Variants in ZEB2 observed in about 807,000 individuals in gnomAD.
The protein encoded by ZEB2 is zinc finger E-box binding homeobox 2.
In ZEB2, 6 loss-of-function variants were observed where a neutral mutation model predicts 99.9. The ratio of observed to expected loss-of-function variants is 0.06; its 90% CI spans 0.03 to 0.12. ZEB2 has a LOEUF of 0.12. Ranked by LOEUF, ZEB2 falls within the 10% of genes least tolerant of loss-of-function variation. The probability of loss-of-function intolerance (pLI) is 1.00; values close to 1 mark genes in which losing one functional copy is unlikely to be tolerated. For missense variants in ZEB2, 969 were observed against 1,502.8 expected, an observed-to-expected ratio of 0.64 and a Z score of 5.87; for synonymous variants, 517 against 542.5, an observed-to-expected ratio of 0.95 and a Z score of 0.65.
At chr2:144,480,762 T>C (rs1015251551) in intron 2 of ZEB2, among the ~76,000 whole-genome samples, 3 of 149,508 alleles carry the variant, frequency 2.0e-5, no homozygotes, top group Non-Finnish European at 4.4e-5. Flanking sequence ...ACAAGGCTAA[T>C]AAATGTTCCC....
intron 4 of ZEB2, among the ~76,000 whole-genome samples, chr2:144,414,732 C>T (rs1054990521): frequency 6.6e-6 from 1 of 152,190 alleles, no homozygotes; most frequent in Non-Finnish European, 1.5e-5. Context: ...ACTGCTCTTT[C>T]TACTGCACCA....
At chr2:144,495,252 G>A (rs1199347198) in intron 2 of ZEB2, 1 of 152,192 alleles carries the variant, frequency 6.6e-6, no homozygotes, top group Admixed American at 6.5e-5. Flanking sequence ...AAAACCCAGA[G>A]TGAACTGGGT....
chr2:144,390,126 T>G, intron 9 of ZEB2, 98 bp from the exon 10 acceptor site: 2 of 1,230,586 alleles, frequency 1.6e-6, no homozygotes, highest in Non-Finnish European at 2.3e-6. Context: ...CATAAGCGTG[T>G]GTACTTATGC....
At chr2:144,452,057 G>A (rs766906727) in intron 2 of ZEB2, among the ~76,000 whole-genome samples, 2 of 152,068 alleles carry the variant, frequency 1.3e-5, no homozygotes, top group Admixed American at 6.6e-5. Context: ...TGACATATCT[G>A]GGGTCCACGG....
chr2:144,391,671 G>A (rs569606509), intron 9 of ZEB2, among the ~76,000 whole-genome samples: 34 of 152,298 alleles, frequency 2.2e-4, no homozygotes, highest in African/African-American at 7.9e-4. Flanking sequence ...AAGACAAGAG[G>A]TTTTGTCTCC....
chr2:144,409,834 A>G (rs938808694), intron 4 of ZEB2, among the ~76,000 whole-genome samples: 2 of 151,878 alleles, frequency 1.3e-5, no homozygotes, highest in Non-Finnish European at 2.9e-5. Flanking sequence ...GGCTGCAGAG[A>G]GCTGTGATCG....
chr2:144,443,949 C>T (rs572389804), intron 2 of ZEB2, among the ~76,000 whole-genome samples: 10 of 152,044 alleles, frequency 6.6e-5, no homozygotes, highest in Non-Finnish European at 1.5e-4. Flanking sequence ...ATTCACACAT[C>T]CCACAAATAA....
intron 7 of ZEB2, 120 bp downstream of exon 7, chr2:144,401,079 T>C (rs745368002): frequency 1.2e-4 from 109 of 884,490 alleles, no homozygotes; most frequent in Non-Finnish European, 1.8e-4. Context: ...ACAGAGTTGA[T>C]GAAATAAATA....
rs1425387832 is a variant in ZEB2, at chr2:144,385,720, T to G, written c.*3731A>C. ...TTGGAGCAAAAGCATGGTTAACAAT[T>G]TTTCAGTTCAAATACATGTAAACTT... On this transcript the variant is annotated 3_prime_UTR_variant, in exon 10 of 10. Transcript: ENST00000627532. 6.6e-6 allele frequency: 1 copy of G among 152,144 alleles called. No individual in the cohort carries two copies. Among genetic ancestry groups the G allele is most frequent in the African/African-American group, 2.4e-5 (1 of 41,422 alleles). The allele number at this position is 152,144 out of a possible 1,614,324, so 9.4% of individuals were successfully genotyped here. A position where few individuals can be genotyped will look rare whatever the true frequency, so the allele number is the denominator to read the frequency against.
Position 144,388,338 on chromosome 2 carries a change from T to C in ZEB2, c.*1113A>G, listed in dbSNP as rs1342180250. ...TTCCAAAACACAATAAATGCTCTTC[T>C]CTTTACGTAAAATTTGCCCAAATGA... On this transcript the variant is annotated 3_prime_UTR_variant, in exon 10 of 10. Coordinates refer to ENST00000627532, the MANE Select transcript of ZEB2 (RefSeq NM_014795.4). This position sits in a 1 kb window ranked among gnomAD's most constrained non-coding sequence, Gnocchi z 5.4. 6.6e-6 allele frequency: 1 copy of C among 152,602 alleles called. No homozygotes were observed. Among genetic ancestry groups the C allele is most frequent in the Non-Finnish European group, 1.5e-5 (1 of 68,022 alleles). The allele number at this position is 152,602 out of a possible 1,614,324, so 9.5% of individuals were successfully genotyped here.
intron 2 of ZEB2, among the ~76,000 whole-genome samples, chr2:144,510,494 C>T (rs1430405198): frequency 6.6e-6 from 1 of 152,170 alleles, no homozygotes; most frequent in Non-Finnish European, 1.5e-5. Flanking sequence ...AATTCGATCC[C>T]CTCCTGACAC....
At chr2:144,453,842 T>G (rs1704085546) in intron 2 of ZEB2, among the ~76,000 whole-genome samples, 1 of 152,160 alleles carries the variant, frequency 6.6e-6, no homozygotes, top group African/African-American at 2.4e-5. Context: ...TAATAGCTAA[T>G]GAGAGAGAGG....
At chr2:144,464,156 T>C (rs1000584711) in intron 2 of ZEB2, 1 of 152,190 alleles carries the variant, frequency 6.6e-6, no homozygotes, top group African/African-American at 2.4e-5. Context: ...TAAAATCATG[T>C]TTGCCTTACC....
chr2:144,395,160 T>A (rs1405479918), intron 9 of ZEB2, among the ~76,000 whole-genome samples: 1 of 151,980 alleles, frequency 6.6e-6, no homozygotes, highest in African/African-American at 2.4e-5. Context: ...CACATCCAGC[T>A]AATTTTTAAA....
At chr2:144,419,385 T>C (rs1375021092) in intron 4 of ZEB2, among the ~76,000 whole-genome samples, 1 of 152,192 alleles carries the variant, frequency 6.6e-6, no homozygotes, top group East Asian at 1.9e-4. Flanking sequence ...TTCCCCCTCT[T>C]AGCAAAGGAA....
intron 2 of ZEB2, 140 bp downstream of exon 2, chr2:144,517,138 G>C (rs1705165569): frequency 2.2e-6 from 2 of 903,086 alleles, no homozygotes; most frequent in Admixed American, 4.3e-5. Context: ...CTCCGGCGCC[G>C]GCCGCGGAGG....
rs1333857144 is a variant in ZEB2, at chr2:144,428,505, A to G, written c.331+1264T>C. On this transcript the variant is annotated intron_variant, in intron 3 of 9. Coordinates refer to ENST00000627532, the MANE Select transcript of ZEB2 (RefSeq NM_014795.4). Reference sequence around the variant, plus strand: ...TCTAAAACCTTAAGGCTTAATGGATATAACGATAAATGTTTATGTGTGGGA... The same window carrying G: ...TCTAAAACCTTAAGGCTTAATGGATGTAACGATAAATGTTTATGTGTGGGA... 8 of 152,184 alleles carry G rather than the reference A, an allele frequency of 5.3e-5. No individual in the cohort carries two copies. The East Asian group carries it at 1.3e-3, about 26-fold the overall frequency. 9.4% of individuals were successfully genotyped at this position (152,184 alleles called of 1,614,324 possible).
chr2:144,512,944 T>C lies in ZEB2; in HGVS notation c.73+4334A>G, dbSNP rs765136536. ...TCAGCAAAACAGGCTCCCTAGAAGC[T>C]CATCAACTTTACGAAGAAAGCTACT... On this transcript the variant is annotated intron_variant, in intron 2 of 9. Coordinates refer to ENST00000627532, the MANE Select transcript of ZEB2 (RefSeq NM_014795.4). 3.9e-6 allele frequency: 5 copies of C among 1,287,048 alleles called. No individual in the cohort carries two copies. The South Asian group carries it at 6.2e-5, about 16-fold the overall frequency. 79.7% of individuals were successfully genotyped at this position (1,287,048 alleles called of 1,614,324 possible). A position where few individuals can be genotyped will look rare whatever the true frequency, so the allele number is the denominator to read the frequency against.
intron 2 of ZEB2, among the ~76,000 whole-genome samples, chr2:144,474,791 T>C (rs1009056978): frequency 1.3e-5 from 2 of 152,220 alleles, no homozygotes; most frequent in East Asian, 1.9e-4. Flanking sequence ...TTAAGATTTC[T>C]TTTTGAGTAT....
Sources: allele counts gnomAD v4.1 joint callset (sites outside exome capture counted in the v4.1 genomes callset), GRCh38; gene constraint gnomAD v4.1.1; non-coding constraint Gnocchi (gnomAD v3.1); transcripts MANE v1.5; gene names NCBI Gene and HGNC (gene_info 2026-07-23, HGNC 2026-07-21).